The following FRYL variants were observed in gnomAD, a reference collection of about 807,000 sequenced individuals.
The protein encoded by FRYL is FRY like transcription coactivator.
FRYL carries 150 observed loss-of-function variants against 351.2 expected under a neutral mutation model. The observed-to-expected ratio is 0.43, with a 90% CI of 0.37 to 0.49. The LOEUF is 0.49. FRYL is among the 20% of genes least tolerant of loss of function. FRYL has a pLI of 0.00. For synonymous variants in FRYL, 1,153 were observed against 1,257.1 expected (o/e 0.92, Z 1.75); for missense variants, 3,036 against 3,619.3 (o/e 0.84, Z 4.13).
At chr4:48,566,770 T>G (rs1268933665) in intron 28 of FRYL, among the ~76,000 whole-genome samples, 1 of 152,240 alleles carries the variant, frequency 6.6e-6, no homozygotes, top group Non-Finnish European at 1.5e-5. Flanking sequence ...TTGTGTATAT[T>G]AATCTTCCTA....
At position 48,675,318 on chromosome 4, in the gene FRYL, T is replaced by G. The variant is rs1264587921; in HGVS notation, c.-81+9355A>C. 4.6e-5 allele frequency among the ~76,000 whole-genome samples: 7 copies of G among 152,192 alleles called. No individual in the cohort carries two copies. In the South Asian group the frequency reaches 1.2e-3, roughly 27 times the overall value. ...CTGGCCAAGGCTGGAGCCCACTCCC[T>G]CACCTTGCAGGGAGGTGTGGAGGGA... is the stretch of plus-strand genomic sequence containing the variant. On this transcript the variant is annotated intron_variant, in intron 3 of 63. Transcript: ENST00000358350.
chr4:48,555,687 G>A (rs1733927351), intron 35 of FRYL, among the ~76,000 whole-genome samples: 1 of 152,172 alleles, frequency 6.6e-6, no homozygotes, highest in Admixed American at 6.5e-5. Flanking sequence ...CAGAATATAG[G>A]AGACACAGTC....
Position 48,546,145 on chromosome 4 carries a change from G to A in FRYL, c.5201C>T (p.Thr1734Ile), listed in dbSNP as rs768193707. ...NNSAAISHLH[T>I]TILNEVDISV... ...GATGTCAACCTCATTGAGGATAGTG[G>A]TGTGCAGATGTGAAATGGCAGCACT... is the stretch of plus-strand genomic sequence containing the variant. Residue 1734 changes from threonine to isoleucine, a missense_variant, in exon 42 of 64, where the codon ACC becomes ATC. By Grantham distance (89) the Thr-to-Ile change is moderately conservative (BLOSUM62 -1). This residue lies in a region of FRYL where 1,987 missense variants were observed against 2,311.7 expected (regional missense o/e 0.86). Transcript: ENST00000358350. The A allele has an allele frequency of 1.9e-6, 3 of 1,613,764 alleles. No individual in the cohort carries two copies. Among genetic ancestry groups the A allele is most frequent in the Non-Finnish European group, 2.5e-6 (3 of 1,179,820 alleles).
intron 47 of FRYL, among the ~76,000 whole-genome samples, chr4:48,536,706 A>G (rs966886523): frequency 6.6e-6 from 1 of 152,200 alleles, no homozygotes; most frequent in South Asian, 2.1e-4. Flanking sequence ...TTCTGCTTTT[A>G]GTTTTCCTTT....
intron 57 of FRYL, among the ~76,000 whole-genome samples, chr4:48,511,826 G>A (rs953439588): frequency 1.3e-5 from 2 of 152,166 alleles, no homozygotes. Context: ...GGCAAAATTT[G>A]GGAGGAGAAA....
At chr4:48,656,389 ATAAT>A (rs1179070862) in intron 3 of FRYL, among the ~76,000 whole-genome samples, 710 of 130,924 alleles carry the variant, frequency 5.4e-3, no homozygotes, top group East Asian at 0.012. Context: ...TATATAATAT[ATAAT>A]TAATATATAA....
At position 48,595,592 on chromosome 4, in the gene FRYL, G is replaced by A; in HGVS notation, c.1246C>T (p.Gln416Ter). The A allele has an allele frequency of 1.9e-6, 3 of 1,567,804 alleles. No homozygotes were observed. Among genetic ancestry groups the A allele is most frequent in the African/African-American group, 1.4e-5 (1 of 73,844 alleles). ...ATACTATGAGATGAAGCACTCACCT[G>A]AGCAATGAACTGAATAATCTTCACA... is the stretch of plus-strand genomic sequence containing the variant. ...IFVKIIQFIA[Q>*]ERLDFAMKEI... Residue 416 changes from glutamine (Q) to a stop codon, truncating the protein, a stop_gained and splice_region_variant, in exon 15 of 64, where the codon CAG (glutamine) becomes TAG (stop). Transcript: ENST00000358350. LOFTEE classifies it high-confidence loss of function.
intron 9 of FRYL, among the ~76,000 whole-genome samples, chr4:48,608,085 A>C (rs1747246297): frequency 6.6e-6 from 1 of 152,182 alleles, no homozygotes; most frequent in Admixed American, 6.5e-5. Flanking sequence ...TCAAACCATA[A>C]GGTATTAAAA....
intron 55 of FRYL, among the ~76,000 whole-genome samples, chr4:48,519,685 TAG>T: frequency 1.3e-5 from 2 of 151,802 alleles, no homozygotes; most frequent in Admixed American, 6.6e-5. Context: ...GTATTTTTAG[TAG>T]AGACGGGGTT....
chr4:48,776,847 A>AAT (rs2109441475), intron 1 of FRYL, among the ~76,000 whole-genome samples: 1 of 152,334 alleles, frequency 6.6e-6, no homozygotes, highest in Non-Finnish European at 1.5e-5. Context: ...TGTATTTAAA[A>AAT]ATATATTTTC....
intron 3 of FRYL, among the ~76,000 whole-genome samples, chr4:48,654,304 A>C (rs543177535): frequency 5.8e-5 from 8 of 138,784 alleles, no homozygotes; most frequent in African/African-American, 2.2e-4. Flanking sequence ...TGATCAAAAA[A>C]AAAAAAAAAA....
At chr4:48,690,131 T>G (rs182292231) in intron 2 of FRYL, among the ~76,000 whole-genome samples, 2,715 of 151,768 alleles carry the variant, frequency 0.018, 78 homozygotes, top group African/African-American at 0.062. Flanking sequence ...GATCTCGATC[T>G]CCTGACCTCG....
intron 2 of FRYL, among the ~76,000 whole-genome samples, chr4:48,686,784 G>A (rs1765188287): frequency 6.6e-6 from 1 of 152,200 alleles, no homozygotes; most frequent in Non-Finnish European, 1.5e-5. Flanking sequence ...TTTGTTGTAT[G>A]TGTTTATTCT....
At chr4:48,658,895 T>C (rs1170105387) in intron 3 of FRYL, among the ~76,000 whole-genome samples, 1 of 152,174 alleles carries the variant, frequency 6.6e-6, no homozygotes, top group Non-Finnish European at 1.5e-5. Flanking sequence ...ATATTTTTCT[T>C]TGAAACCTCA....
At chr4:48,594,917 A>G (rs1267323759) in intron 15 of FRYL, among the ~76,000 whole-genome samples, 1 of 151,372 alleles carries the variant, frequency 6.6e-6, no homozygotes, top group Non-Finnish European at 1.5e-5. Flanking sequence ...GAGGCTAGAA[A>G]GCTAAACTTG....
At chr4:48,548,818 A>C in intron 39 of FRYL, 25 bp from the exon 40 acceptor site, 1 of 1,327,304 alleles carries the variant, frequency 7.5e-7, no homozygotes, top group Non-Finnish European at 1.1e-6. Context: ...AGTTTCATTA[A>C]CGTTTTACTA....
At chr4:48,500,833 C>T (rs1198462814) in intron 62 of FRYL, among the ~76,000 whole-genome samples, 1 of 151,978 alleles carries the variant, frequency 6.6e-6, no homozygotes, top group Non-Finnish European at 1.5e-5. Flanking sequence ...GCCTGTAATC[C>T]CAGCACTTTG....
In FRYL at chr4:48,606,457, G is replaced by A; in HGVS notation, c.722C>T (p.Ala241Val). Reference protein sequence around the residue: ...VKMYPVEDFEASFQFMQECAQ... With the variant: ...VKMYPVEDFEVSFQFMQECAQ... ...TATCACCTGCATAAATTGAAATGAT[G>A]CTTCAAAATCTTCTACAGGATACAT... The change falls in exon 10 of 64, where the codon GCA (alanine) becomes GTA (valine). Residue 241 changes from alanine (A) to valine (V), a missense_variant. This residue lies in a region of FRYL where 457 missense variants were observed against 566.6 expected (regional missense o/e 0.81). Coordinates refer to ENST00000358350, the MANE Select transcript of FRYL (RefSeq NM_015030.2). 1.2e-6 allele frequency: 2 copies of A among 1,608,652 alleles called. No individual in the cohort carries two copies. The highest frequency in any genetic ancestry group is 1.7e-6 in the Non-Finnish European group (2 of 1,176,038).
chr4:48,778,748 T>C (rs1340314028), intron 1 of FRYL, among the ~76,000 whole-genome samples: 1 of 152,208 alleles, frequency 6.6e-6, no homozygotes, highest in Non-Finnish European at 1.5e-5. Flanking sequence ...GTAAATTCAG[T>C]AGCAGAATCA....
Sources: allele counts gnomAD v4.1 joint callset (sites outside exome capture counted in the v4.1 genomes callset), GRCh38; gene constraint gnomAD v4.1.1; regional missense constraint gnomAD v4.1.1; transcripts MANE v1.5; gene names NCBI Gene and HGNC (gene_info 2026-07-23, HGNC 2026-07-21).